DPYSL2: variants seen among roughly 807,000 people sequenced by gnomAD.
DPYSL2 encodes the protein dihydropyrimidinase like 2, also known as dihydropyrimidinase-related protein 2.
DPYSL2 carries 13 observed loss-of-function variants against 69.9 expected under a neutral mutation model. The ratio of observed to expected loss-of-function variants is 0.19; its 90% CI spans 0.12 to 0.30. The LOEUF is 0.30. Among genes scored for constraint, DPYSL2 ranks in the 10% least tolerant of loss-of-function variants. The probability of loss-of-function intolerance (pLI) is 1.00; values close to 1 mark genes in which losing one functional copy is unlikely to be tolerated. For missense variants in DPYSL2, 587 were observed against 918.9 expected (o/e 0.64, Z 4.67); for synonymous variants, 326 against 359.1 (o/e 0.91, Z 1.04).
intron 1 of DPYSL2, chr8:26,578,190 T>C (rs1801404436): frequency 4.3e-6 from 7 of 1,610,776 alleles, no homozygotes; most frequent in Non-Finnish European, 5.9e-6. Flanking sequence ...AAAACCCAAG[T>C]CCCCTTCCCG....
intron 1 of DPYSL2, chr8:26,577,916 C>A (rs1477957413): frequency 1.1e-5 from 13 of 1,157,536 alleles, no homozygotes; most frequent in Non-Finnish European, 1.4e-5. Context: ...GCGCATGCGC[C>A]ACGGTGGCCG....
In DPYSL2 at chr8:26,609,770, C is replaced by A. The variant is rs1234807220; in HGVS notation, c.629-14373C>A. Among the ~76,000 whole-genome samples, 1 of 152,180 alleles carries A rather than the reference C, an allele frequency of 6.6e-6. No homozygotes were observed. Among genetic ancestry groups the A allele is most frequent in the Admixed American group, 6.5e-5 (1 of 15,286 alleles). On this transcript the variant is annotated intron_variant, in intron 3 of 13. Coordinates refer to ENST00000521913, the MANE Select transcript of DPYSL2 (RefSeq NM_001197293.3). The surrounding 1 kb of genome is among the most constrained non-coding windows in gnomAD (Gnocchi z 6.5). The stretch of plus-strand genomic sequence containing the variant: ...GAAGCACCTCTGGCTTGTCCCCCAG[C>A]CCCCAGGGTCCCTGCCACTCATTAC...
rs1404235772 is a variant in DPYSL2 at position 26,653,748 on chromosome 8, G to GTAA, written c.1942+351_1942+352insTAA. Among the ~76,000 whole-genome samples the GTAA allele has an allele frequency of 6.6e-6, 1 of 152,070 alleles. No homozygotes were observed. The highest frequency in any genetic ancestry group is 1.9e-4 in the East Asian group (1 of 5,184). ...AATTTTTGTATTTTTAGTAGAGACG[G>GTAA]AGTATCACCATGTTGGCCAGGCTGA... On this transcript the variant is annotated intron_variant, in intron 13 of 13. Coordinates refer to ENST00000521913, the MANE Select transcript of DPYSL2 (RefSeq NM_001197293.3). The surrounding 1 kb of genome is among the most constrained non-coding windows in gnomAD (Gnocchi z 5.7).
intron 10 of DPYSL2, among the ~76,000 whole-genome samples, chr8:26,645,014 A>T (rs1344958070): frequency 6.6e-6 from 1 of 152,226 alleles, no homozygotes; most frequent in Non-Finnish European, 1.5e-5. Context: ...TATAACCACA[A>T]TTAACATTTT....
chr8:26,561,286 C>A (rs558620855), intron 1 of DPYSL2, among the ~76,000 whole-genome samples: 172 of 152,220 alleles, frequency 1.1e-3, no homozygotes, highest in Non-Finnish European at 2.0e-3. Context: ...TCTTTGCAGA[C>A]CACCCTTTCT....
intron 1 of DPYSL2, among the ~76,000 whole-genome samples, chr8:26,566,692 C>T (rs1235533552): frequency 1.8e-4 from 28 of 152,100 alleles, no homozygotes; most frequent in Admixed American, 1.7e-3. Context: ...ATGGACGAGG[C>T]CTAAGACAGG....
At chr8:26,574,068 G>A (rs1451354815) in intron 1 of DPYSL2, among the ~76,000 whole-genome samples, 3 of 152,132 alleles carry the variant, frequency 2.0e-5, no homozygotes, top group African/African-American at 7.2e-5. Context: ...GTCAAGGCCT[G>A]ATGGAAGAAA....
rs77991799 is a variant in DPYSL2 at position 26,617,084 on chromosome 8, C to G, written c.629-7059C>G. ...TTTAATTACAAAGGGCCCCTTGAGACCTTGTCAGAAATACTGCCAGCCTAG... is the reference window on the plus strand; with the variant it reads ...TTTAATTACAAAGGGCCCCTTGAGAGCTTGTCAGAAATACTGCCAGCCTAG... On this transcript the variant is annotated intron_variant, in intron 3 of 13. Coordinates refer to ENST00000521913, the MANE Select transcript of DPYSL2 (RefSeq NM_001197293.3). The surrounding 1 kb of genome is among the most constrained non-coding windows in gnomAD (Gnocchi z 4.7). 1.3e-5 allele frequency among the ~76,000 whole-genome samples: 2 copies of G among 152,194 alleles called. No homozygotes were observed. Among genetic ancestry groups the G allele is most frequent in the African/African-American group, 4.8e-5 (2 of 41,446 alleles).
intron 3 of DPYSL2, among the ~76,000 whole-genome samples, chr8:26,622,364 T>A (rs1329105304): frequency 2.0e-5 from 3 of 152,076 alleles, no homozygotes; most frequent in Non-Finnish European, 4.4e-5. Context: ...CAGATATGTG[T>A]GTACCCATTT....
chr8:26,534,954 C>G (rs764579549), intron 1 of DPYSL2, among the ~76,000 whole-genome samples: 3 of 152,152 alleles, frequency 2.0e-5, no homozygotes, highest in Non-Finnish European at 2.9e-5. Flanking sequence ...TTTTATCTAG[C>G]TACAGCATTT....
chr8:26,577,749 G>A, intron 1 of DPYSL2: 22 of 956,228 alleles, frequency 2.3e-5, no homozygotes, highest in Non-Finnish European at 2.7e-5. Flanking sequence ...CGCTCGCGCC[G>A]CCTGCCGCCC....
intron 1 of DPYSL2, among the ~76,000 whole-genome samples, chr8:26,543,157 G>T (rs1281821463): frequency 2.0e-5 from 3 of 152,130 alleles, no homozygotes; most frequent in Non-Finnish European, 4.4e-5. Flanking sequence ...AAGCAACAGA[G>T]TACACCAAGT....
chr8:26,575,355 T>G (rs1290375396), intron 1 of DPYSL2, among the ~76,000 whole-genome samples: 1 of 147,648 alleles, frequency 6.8e-6, no homozygotes, highest in African/African-American at 2.4e-5. Context: ...GGTTTTTTGT[T>G]TTTTTTTTCA....
chr8:26,623,215 G>A (rs1419132798), intron 3 of DPYSL2, among the ~76,000 whole-genome samples: 1 of 152,172 alleles, frequency 6.6e-6, no homozygotes, highest in Non-Finnish European at 1.5e-5. Flanking sequence ...GGAGAGCAGG[G>A]TACAAGGGAG....
At chr8:26,584,613 C>CTTTTTTTT (rs35587383) in intron 3 of DPYSL2, among the ~76,000 whole-genome samples, 8 of 100,136 alleles carry the variant, frequency 8.0e-5, no homozygotes, top group Admixed American at 1.1e-4. Context: ...GGGCTTTGTG[C>CTTTTTTTT]TTTTTTTTTT....
At chr8:26,596,236 G>A (rs545034471) in intron 3 of DPYSL2, among the ~76,000 whole-genome samples, 5 of 152,344 alleles carry the variant, frequency 3.3e-5, no homozygotes, top group South Asian at 4.1e-4. Context: ...CATTGGTGGC[G>A]TGTTGTTGTG....
intron 1 of DPYSL2, among the ~76,000 whole-genome samples, chr8:26,567,155 CCCAT>C (rs147501253): frequency 0.19 from 28,100 of 147,798 alleles, 2,865 homozygotes; most frequent in Non-Finnish European, 0.24. Flanking sequence ...CATACATCTG[CCCAT>C]CCATCCATCC....
intron 1 of DPYSL2, among the ~76,000 whole-genome samples, chr8:26,559,163 G>A (rs1028040738): frequency 6.6e-6 from 1 of 152,020 alleles, no homozygotes; most frequent in Non-Finnish European, 1.5e-5. Flanking sequence ...GGCTGGTCTC[G>A]AACTCCTGAG....
In DPYSL2 at chr8:26,582,843, G is replaced by A. The variant is rs984321521; in HGVS notation, c.443+786G>A. ...GGGATAGCTGTAAACCGGTCCAGAG[G>A]AGTGGAAAACTGGAGTGGCTGTGAC... On this transcript the variant is annotated intron_variant, in intron 2 of 13. Transcript: ENST00000521913. The surrounding 1 kb of genome is among the most constrained non-coding windows in gnomAD (Gnocchi z 4.1). Among the ~76,000 whole-genome samples, 12 of 152,204 alleles carry A rather than the reference G, an allele frequency of 7.9e-5. No individual in the cohort carries two copies. The highest frequency in any genetic ancestry group is 1.5e-4 in the Non-Finnish European group (10 of 68,038).
Sources: gnomAD v4.1 joint callset for allele counts (sites outside exome capture counted in the v4.1 genomes callset) on GRCh38, gnomAD v4.1.1 for gene constraint, Gnocchi (gnomAD v3.1) non-coding constraint, MANE v1.5 for transcripts, NCBI Gene and HGNC (gene_info 2026-07-23, HGNC 2026-07-21) for gene names.